The following PTPRU variants were observed in gnomAD, a reference collection of about 807,000 sequenced individuals.
PTPRU encodes the protein protein tyrosine phosphatase receptor type U.
Under a neutral mutation model 166.3 loss-of-function variants are expected in PTPRU, and 69 were observed. The observed-to-expected ratio is 0.41, with a 90% confidence interval of 0.34 to 0.51. The LOEUF (loss-of-function observed/expected upper bound fraction) is 0.51, where lower values mean the gene tolerates loss of function less well. PTPRU is among the 20% of genes least tolerant of loss of function. The pLI, the probability that PTPRU is intolerant of heterozygous loss-of-function variation, is 0.09. For synonymous variants in PTPRU, 793 were observed against 814.0 expected (o/e 0.97, Z 0.44); for missense variants, 1,657 against 2,013.7 (o/e 0.82, Z 3.39).
In PTPRU at chr1:29,259,884, G is replaced by T. The variant is rs548077175; in HGVS notation, c.690G>T (p.Ala230=). The T allele has an allele frequency of 4.6e-6, 7 of 1,531,162 alleles. No homozygotes were observed. The highest frequency in any genetic ancestry group is 6.1e-6 in the Non-Finnish European group (7 of 1,145,278). 94.8% of individuals were successfully genotyped at this position (1,531,162 alleles called of 1,614,324 possible). ...CTTCCCTGCAGCGGCAGAGCGGGGC[G>T]CTGGTGCCGGCGGCGGGCGTGCGGC... ...ERFLLQRQSG[A]LVPAAGVRHI... Residue 230 remains alanine (A), a synonymous_variant, in exon 6 of 30, where the codon GCG becomes GCT. Transcript: ENST00000373779.
At chr1:29,283,051 C>G (rs1481523752) in intron 12 of PTPRU, 102 bp downstream of exon 12, 3 of 1,487,538 alleles carry the variant, frequency 2.0e-6, no homozygotes, top group Non-Finnish European at 2.7e-6. Flanking sequence ...AGGCCCGGCA[C>G]TTCCCATAGC....
chr1:29,276,651 G>T (rs1685819583), intron 8 of PTPRU, among the ~76,000 whole-genome samples: 2 of 152,076 alleles, frequency 1.3e-5, no homozygotes, highest in African/African-American at 4.8e-5. Flanking sequence ...AATGTCCATA[G>T]GCTCTATAGT....
chr1:29,267,620 A>G (rs1685362191), intron 7 of PTPRU, among the ~76,000 whole-genome samples: 1 of 152,198 alleles, frequency 6.6e-6, no homozygotes, highest in Non-Finnish European at 1.5e-5. Flanking sequence ...GGCATCCAGG[A>G]GACCAGTGTC....
chr1:29,295,444 C>T (rs529328690), intron 15 of PTPRU, among the ~76,000 whole-genome samples: 3 of 152,234 alleles, frequency 2.0e-5, no homozygotes, highest in Non-Finnish European at 2.9e-5. Context: ...TTGGAAGAAT[C>T]GCCATCTTAT....
intron 2 of PTPRU, among the ~76,000 whole-genome samples, chr1:29,256,685 T>G (rs958903382): frequency 1.3e-5 from 2 of 152,190 alleles, no homozygotes; most frequent in Non-Finnish European, 2.9e-5. Context: ...GTTTGCCTTC[T>G]CTGAAAATAA....
intron 2 of PTPRU, 54 bp from the exon 3 acceptor site, chr1:29,258,451 C>T: frequency 6.4e-7 from 1 of 1,572,740 alleles, no homozygotes; most frequent in Non-Finnish European, 8.6e-7. Flanking sequence ...TGCCCTGGCC[C>T]TGTCCCTCCC....
In PTPRU at chr1:29,317,801, G is replaced by A; in HGVS notation, c.3567G>A (p.Leu1189=). Residue 1189 remains leucine (L), a synonymous_variant, in exon 25 of 30, where the codon CTG becomes CTA. Transcript: ENST00000373779. This position sits in a 1 kb window ranked among gnomAD's most constrained non-coding sequence, Gnocchi z 5.6. ...PLDVEECSIA[L]LPRNRDKNRS... is the part of the protein sequence containing the mutation. ...ACGTGGAGGAGTGCAGCATCGCCCTGTTGCCCCGGAACCGCGACAAGAACC... is the reference window on the plus strand; with the variant it reads ...ACGTGGAGGAGTGCAGCATCGCCCTATTGCCCCGGAACCGCGACAAGAACC... 3 of 1,613,166 alleles carry A rather than the reference G, an allele frequency of 1.9e-6. No individual in the cohort carries two copies. The highest frequency in any genetic ancestry group is 2.5e-6 in the Non-Finnish European group (3 of 1,180,010).
Position 29,304,817 on chromosome 1 carries a change from T to A in PTPRU, c.2711T>A (p.Val904Asp). The A allele has an allele frequency of 6.2e-7, 1 of 1,612,290 alleles. No homozygotes were observed. Among genetic ancestry groups the A allele is most frequent in the Non-Finnish European group, 8.5e-7 (1 of 1,178,678 alleles). ...GWDATKKKDK[V>D]KGSRQEPMPA... Reference sequence around the variant, plus strand: ...GACGCCACAAAGAAGAAAGACAAGGTCAAGGGCAGCCGGCAGGAGCCAATG... The same window carrying A: ...GACGCCACAAAGAAGAAAGACAAGGACAAGGGCAGCCGGCAGGAGCCAATG... Residue 904 changes from valine (V) to aspartate (D), a missense_variant, in exon 17 of 30, where the codon GTC becomes GAC. By Grantham distance (152) the Val-to-Asp change is radical. Coordinates refer to ENST00000373779, the MANE Select transcript of PTPRU (RefSeq NM_133178.4).
chr1:29,303,935 T>A lies in PTPRU; in HGVS notation c.2557T>A (p.Ser853Thr). The change falls in exon 16 of 30, where the codon TCC (serine) becomes ACC (threonine). Residue 853 changes from serine (S) to threonine (T), a missense_variant. Coordinates refer to ENST00000373779, the MANE Select transcript of PTPRU (RefSeq NM_133178.4). ...SPRRPCGRKG[S>T]PYHTGQLHPA... Reference sequence around the variant, plus strand: ...GAGGCGTCCCTGTGGCCGGAAGGGCTCCCCATACCACACGGGGCAGCTGCA... The same window carrying A: ...GAGGCGTCCCTGTGGCCGGAAGGGCACCCCATACCACACGGGGCAGCTGCA... 6.2e-7 allele frequency: 1 copy of A among 1,613,980 alleles called. No homozygotes were observed. Among genetic ancestry groups the A allele is most frequent in the Non-Finnish European group, 8.5e-7 (1 of 1,179,844 alleles).
chr1:29,314,529 C>G (rs1557482253), intron 22 of PTPRU, among the ~76,000 whole-genome samples: 1 of 152,116 alleles, frequency 6.6e-6, no homozygotes, highest in Non-Finnish European at 1.5e-5. Flanking sequence ...GTTAGGGAGA[C>G]AGCCACATAA....
In PTPRU at chr1:29,317,333, G is replaced by A. The variant is rs1687943806; in HGVS notation, c.3514-415G>A. ...TTCTTGGAGGGTGTGGGGTTTCAGG[G>A]GTTGCCTCAGTGAAGGCACTGGTCA... is the stretch of plus-strand genomic sequence containing the variant. On this transcript the variant is annotated intron_variant, in intron 24 of 29. Transcript: ENST00000373779. The surrounding 1 kb of genome is among the most constrained non-coding windows in gnomAD (Gnocchi z 5.6). Among the ~76,000 whole-genome samples the A allele has an allele frequency of 6.6e-6, 1 of 152,102 alleles. No individual in the cohort carries two copies. Among genetic ancestry groups the A allele is most frequent in the African/African-American group, 2.4e-5 (1 of 41,416 alleles).
chr1:29,314,857 G>C (rs1034703931), intron 22 of PTPRU, among the ~76,000 whole-genome samples: 1 of 152,136 alleles, frequency 6.6e-6, no homozygotes, highest in South Asian at 2.1e-4. Flanking sequence ...GGGATTACAG[G>C]CCTGAGCCAC....
chr1:29,282,994 G>T, intron 12 of PTPRU, 45 bp downstream of exon 12: 3 of 1,599,026 alleles, frequency 1.9e-6, no homozygotes, highest in Non-Finnish European at 1.7e-6. Context: ...TGGGTGTGGG[G>T]GGATGGCAGA....
At chr1:29,286,430 A>G (rs1219891328) in intron 14 of PTPRU, among the ~76,000 whole-genome samples, 1 of 151,988 alleles carries the variant, frequency 6.6e-6, no homozygotes, top group Non-Finnish European at 1.5e-5. Context: ...GGATGAAGAA[A>G]CTGTAATGAA....
Position 29,271,274 on chromosome 1 carries a change from AGT to A in PTPRU, c.1145-4169_1145-4168del, listed in dbSNP as rs990964295. Among the ~76,000 whole-genome samples, 1 of 152,058 alleles carries A rather than the reference AGT, an allele frequency of 6.6e-6. No homozygotes were observed. The highest frequency in any genetic ancestry group is 6.5e-5 in the Admixed American group (1 of 15,272). On this transcript the variant is annotated intron_variant, in intron 7 of 29. Transcript: ENST00000373779. The surrounding 1 kb of genome is among the most constrained non-coding windows in gnomAD (Gnocchi z 4.4). ...TCAGCGTGTGTTGACAGTTGAAGAG[AGT>A]GTGTCTGGGTGCCAGATGGTTTTTA... is the stretch of plus-strand genomic sequence containing the variant.
At chr1:29,292,715 A>G (rs1287210474) in intron 15 of PTPRU, among the ~76,000 whole-genome samples, 1 of 152,202 alleles carries the variant, frequency 6.6e-6, no homozygotes, top group East Asian at 1.9e-4. Flanking sequence ...AACAAACAGC[A>G]ATGAACCTCA....
chr1:29,277,169 C>T (rs1345747344), intron 8 of PTPRU, among the ~76,000 whole-genome samples: 3 of 152,256 alleles, frequency 2.0e-5, no homozygotes, highest in Non-Finnish European at 2.9e-5. Context: ...GGCACAATCT[C>T]GGCTCACTGC....
Position 29,260,133 on chromosome 1 carries a change from C to CGGGGGGGGGGGGCG in PTPRU, c.850+90_850+91insGGGGGGGGGGGCGG. The CGGGGGGGGGGGGCG allele has an allele frequency of 2.8e-6, 1 of 352,480 alleles. No homozygotes were observed. The highest frequency in any genetic ancestry group is 4.4e-6 in the Non-Finnish European group (1 of 228,528). The allele number at this position is 352,480 out of a possible 1,614,324, so 21.8% of individuals were successfully genotyped here. Reference sequence around the variant, plus strand: ...GGCGGGCTCTGCCCGGGGGCGTGGCCGTGGGGGGTGGGGCCGGCAGGGTGT... The same window carrying CGGGGGGGGGGGGCG: ...GGCGGGCTCTGCCCGGGGGCGTGGCCGGGGGGGGGGGGCGGTGGGGGGTGGGGCCGGCAGGGTGT... On this transcript the variant is annotated intron_variant, in intron 6 of 29. Coordinates refer to ENST00000373779, the MANE Select transcript of PTPRU (RefSeq NM_133178.4). This position sits in a 1 kb window ranked among gnomAD's most constrained non-coding sequence, Gnocchi z 8.3.
intron 15 of PTPRU, among the ~76,000 whole-genome samples, chr1:29,296,958 A>G (rs1235576052): frequency 2.6e-5 from 4 of 151,666 alleles, no homozygotes; most frequent in Admixed American, 2.6e-4. Flanking sequence ...TATGTTTTTA[A>G]ACTCAGTGTT....
Sources: allele counts gnomAD v4.1 joint callset (sites outside exome capture counted in the v4.1 genomes callset), GRCh38; gene constraint gnomAD v4.1.1; non-coding constraint Gnocchi (gnomAD v3.1); transcripts MANE v1.5; gene names NCBI Gene and HGNC (gene_info 2026-07-23, HGNC 2026-07-21).